The following HACD3 variants were observed in gnomAD, a reference collection of about 807,000 sequenced individuals.
HACD3 encodes the protein 3-hydroxyacyl-CoA dehydratase 3.
In HACD3, 30 loss-of-function variants were observed where a neutral mutation model predicts 55.2. That is an observed-to-expected ratio of 0.54 (90% confidence interval 0.41 to 0.74). The LOEUF (loss-of-function observed/expected upper bound fraction) is 0.74, where lower values mean the gene tolerates loss of function less well. HACD3 is among the 30% of genes least tolerant of loss of function. The pLI, the probability that HACD3 is intolerant of heterozygous loss-of-function variation, is 0.00. For missense variants in HACD3, 363 were observed against 440.1 expected (o/e 0.82, Z 1.57); for synonymous variants, 141 against 151.7 (o/e 0.93, Z 0.52).
chr15:65,574,387 C>T (rs1008356985), intron 10 of HACD3: 4 of 152,224 alleles, frequency 2.6e-5, no homozygotes, highest in South Asian at 2.1e-4. Flanking sequence ...AGAGAGAGCC[C>T]GAAGCCACAG....
At chr15:65,555,140 C>T (rs1375990252) in intron 3 of HACD3, among the ~76,000 whole-genome samples, 180 bp downstream of exon 3, 1 of 152,128 alleles carries the variant, frequency 6.6e-6, no homozygotes, top group African/African-American at 2.4e-5. Flanking sequence ...AGTCAGAGAC[C>T]CCAAGTTGAG....
intron 1 of HACD3, among the ~76,000 whole-genome samples, chr15:65,548,988 G>A (rs1046044114): frequency 1.3e-5 from 2 of 152,150 alleles, no homozygotes; most frequent in South Asian, 4.2e-4. Context: ...CAGCCTCCCC[G>A]GTAGCTGGGA....
intron 1 of HACD3, among the ~76,000 whole-genome samples, chr15:65,533,293 G>A (rs1282131291): frequency 6.6e-6 from 1 of 152,186 alleles, no homozygotes; most frequent in Non-Finnish European, 1.5e-5. Context: ...TAGGGGAGGG[G>A]AGGGTTAAGG....
chr15:65,550,101 A>G (rs139527891), intron 1 of HACD3, among the ~76,000 whole-genome samples: 1 of 152,234 alleles, frequency 6.6e-6, no homozygotes, highest in Non-Finnish European at 1.5e-5. Context: ...AGTTATATGC[A>G]TCTAGGCTGG....
intron 2 of HACD3, among the ~76,000 whole-genome samples, chr15:65,553,484 C>G (rs2072155769): frequency 6.6e-6 from 1 of 152,128 alleles, no homozygotes; most frequent in Admixed American, 6.5e-5. Context: ...TCTCTCTGCT[C>G]TCTGTTCCAG....
intron 8 of HACD3, 79 bp from the exon 9 acceptor site, chr15:65,571,466 ATTC>A: frequency 1.0e-6 from 1 of 993,584 alleles, no homozygotes; most frequent in Non-Finnish European, 1.5e-6. Flanking sequence ...GAGAAATAGA[ATTC>A]TTCTATTTAA....
chr15:65,551,820 C>A, intron 2 of HACD3, 102 bp downstream of exon 2: 1 of 1,329,428 alleles, frequency 7.5e-7, no homozygotes, highest in Non-Finnish European at 1.1e-6. Flanking sequence ...TTGTTTTTTG[C>A]TGATGTTCAC....
At chr15:65,552,743 C>T (rs1391378429) in intron 2 of HACD3, among the ~76,000 whole-genome samples, 4 of 150,800 alleles carry the variant, frequency 2.7e-5, no homozygotes, top group African/African-American at 4.9e-5. Context: ...GCCCGTTGTG[C>T]AGGTTAGTTA....
rs150458022 is a variant in HACD3, at chr15:65,570,180, G to T, written c.750G>T (p.Leu250Phe). 3.3e-5 allele frequency: 53 copies of T among 1,611,196 alleles called. No homozygotes were observed. In the East Asian group the frequency reaches 1.2e-3, roughly 35 times the overall value. ...NKAVVFFVFY[L>F]WSAIEIFRYS... ...CTGTGGTTTTCTTTGTGTTTTATTT[G>T]TGGAGTGCAATTGAAATTTTCAGGT... Residue 250 changes from leucine to phenylalanine, a missense_variant, in exon 8 of 11, where the codon TTG (leucine) becomes TTT (phenylalanine). Physicochemically the swap from Leu to Phe is conservative, Grantham distance 22 (BLOSUM62 0). Coordinates refer to ENST00000261875, the MANE Select transcript of HACD3 (RefSeq NM_016395.4).
At chr15:65,549,900 A>G (rs2072115843) in intron 1 of HACD3, among the ~76,000 whole-genome samples, 1 of 152,220 alleles carries the variant, frequency 6.6e-6, no homozygotes, top group South Asian at 2.1e-4. Context: ...CAAGCCATGC[A>G]TTTAGTTTAA....
At chr15:65,557,939 G>GTT (rs11360331) in intron 4 of HACD3, among the ~76,000 whole-genome samples, 7 of 110,378 alleles carry the variant, frequency 6.3e-5, no homozygotes, top group African/African-American at 1.9e-4. Flanking sequence ...TTATGGGACT[G>GTT]TTTTTTTTTT....
At chr15:65,569,853 GTGTC>G (rs746829371) in intron 7 of HACD3, among the ~76,000 whole-genome samples, 6 of 152,160 alleles carry the variant, frequency 3.9e-5, no homozygotes, top group Non-Finnish European at 8.8e-5. Context: ...GTTTGAACAT[GTGTC>G]TGTATTTTAA....
intron 1 of HACD3, among the ~76,000 whole-genome samples, chr15:65,549,468 C>T (rs181175237): frequency 1.3e-4 from 19 of 146,630 alleles, no homozygotes; most frequent in Admixed American, 4.2e-4. Flanking sequence ...GGTGTGGTGG[C>T]GCACACCTGT....
chr15:65,556,460 A>ATGAAGAGCGAGTC (rs2072190500), intron 3 of HACD3, among the ~76,000 whole-genome samples: 1 of 151,558 alleles, frequency 6.6e-6, no homozygotes, highest in Non-Finnish European at 1.5e-5. Context: ...AATGCAAGTG[A>ATGAAGAGCGAGTC]TGGAGAGCGA....
intron 8 of HACD3, 99 bp downstream of exon 8, chr15:65,570,302 T>C (rs1023284891): frequency 2.3e-6 from 2 of 888,140 alleles, no homozygotes; most frequent in Non-Finnish European, 3.5e-6. Flanking sequence ...CTCATTTGGT[T>C]TGGGACTAAG....
At chr15:65,540,694 C>T (rs980059339) in intron 1 of HACD3, among the ~76,000 whole-genome samples, 2 of 152,090 alleles carry the variant, frequency 1.3e-5, no homozygotes, top group Non-Finnish European at 2.9e-5. Context: ...GCCTTGTTGC[C>T]ATGGTAAGGA....
chr15:65,545,537 G>A (rs1189210435), intron 1 of HACD3, among the ~76,000 whole-genome samples: 5 of 150,782 alleles, frequency 3.3e-5, no homozygotes, highest in African/African-American at 4.9e-5. Flanking sequence ...TCCGCCTCCC[G>A]GGTTCACGCC....
chr15:65,570,084 C>T lies in HACD3; in HGVS notation c.661-7C>T. On this transcript the variant is annotated splice_polypyrimidine_tract_variant and splice_region_variant and intron_variant, in intron 7 of 10. Transcript: ENST00000261875. ...ACTTTTTTCTCTCTTTTGGGTCTTT[C>T]TAATAGCTTCTTGGAAGAAATTTTA... The T allele has an allele frequency of 6.4e-7, 1 of 1,572,584 alleles. No individual in the cohort carries two copies. Among genetic ancestry groups the T allele is most frequent in the South Asian group, 1.1e-5 (1 of 87,754 alleles).
At chr15:65,536,109 C>G (rs989137145) in intron 1 of HACD3, among the ~76,000 whole-genome samples, 1 of 152,158 alleles carries the variant, frequency 6.6e-6, no homozygotes, top group African/African-American at 2.4e-5. Context: ...CTCCGCCTCC[C>G]AGCCTCAAGT....
Sources: gnomAD v4.1 joint callset for allele counts (sites outside exome capture counted in the v4.1 genomes callset) on GRCh38, gnomAD v4.1.1 for gene constraint, MANE v1.5 for transcripts, NCBI Gene and HGNC (gene_info 2026-07-23, HGNC 2026-07-21) for gene names.